Variants in DSCAM observed in about 807,000 individuals in gnomAD.
The protein encoded by DSCAM is cell adhesion molecule DSCAM.
Under a neutral mutation model 217.7 loss-of-function variants are expected in DSCAM, and 47 were observed. The observed-to-expected ratio is 0.22, with a 90% CI of 0.17 to 0.28. The LOEUF (loss-of-function observed/expected upper bound fraction) is 0.28, where lower values mean the gene tolerates loss of function less well. Ranked by LOEUF, DSCAM falls within the 10% of genes least tolerant of loss-of-function variation. The pLI is 1.00. For synonymous variants in DSCAM, 1,056 were observed against 1,015.3 expected (o/e 1.04, Z -0.76); for missense variants, 2,080 against 2,618.3 (o/e 0.79, Z 4.49).
At chr21:40,254,190 G>A (rs2073341325) in intron 11 of DSCAM, among the ~76,000 whole-genome samples, 1 of 152,172 alleles carries the variant, frequency 6.6e-6, no homozygotes, top group South Asian at 2.1e-4. Flanking sequence ...AATAGTCACA[G>A]CTAAGATAAA....
At chr21:40,389,305 A>G (rs1054830227) in intron 3 of DSCAM, among the ~76,000 whole-genome samples, 5 of 152,230 alleles carry the variant, frequency 3.3e-5, no homozygotes, top group African/African-American at 1.2e-4. Flanking sequence ...ATTAGAGAAT[A>G]TTCTTTTAAA....
chr21:40,705,246 T>C (rs1341026770), intron 2 of DSCAM, among the ~76,000 whole-genome samples: 1 of 152,218 alleles, frequency 6.6e-6, no homozygotes, highest in African/African-American at 2.4e-5. Flanking sequence ...AGGAATAAAG[T>C]TGCTATACAA....
At chr21:40,267,056 G>T (rs2073547949) in intron 11 of DSCAM, among the ~76,000 whole-genome samples, 1 of 151,676 alleles carries the variant, frequency 6.6e-6, no homozygotes, top group African/African-American at 2.4e-5. Flanking sequence ...GTGAGGGATA[G>T]AAAACTATAT....
At chr21:40,780,911 A>G (rs1013804668) in intron 1 of DSCAM, among the ~76,000 whole-genome samples, 11 of 152,230 alleles carry the variant, frequency 7.2e-5, no homozygotes, top group Non-Finnish European at 1.0e-4. Flanking sequence ...GTATAATACT[A>G]GAATATTTCT....
At chr21:40,446,078 A>G (rs2075672619) in intron 3 of DSCAM, among the ~76,000 whole-genome samples, 1 of 152,216 alleles carries the variant, frequency 6.6e-6, no homozygotes, top group South Asian at 2.1e-4. Flanking sequence ...CGTTAGCTTT[A>G]TATTCTTACG....
chr21:40,801,890 G>C (rs889362507), intron 1 of DSCAM, among the ~76,000 whole-genome samples: 1 of 152,168 alleles, frequency 6.6e-6, no homozygotes, highest in African/African-American at 2.4e-5. Context: ...TGTCACAGGG[G>C]GGGTTGCCAC....
At chr21:40,835,669 T>G (rs2092050111) in intron 1 of DSCAM, among the ~76,000 whole-genome samples, 2 of 152,194 alleles carry the variant, frequency 1.3e-5, no homozygotes, top group South Asian at 4.1e-4. Context: ...GGAAAGTTAT[T>G]TTTAATATTA....
intron 3 of DSCAM, among the ~76,000 whole-genome samples, chr21:40,481,813 C>T (rs1412772649): frequency 7.2e-5 from 11 of 152,142 alleles, no homozygotes; most frequent in Non-Finnish European, 1.6e-4. Flanking sequence ...TTTTGGCTCT[C>T]CATCCATAAC....
At chr21:40,613,176 G>T (rs1271752799) in intron 3 of DSCAM, among the ~76,000 whole-genome samples, 4 of 152,128 alleles carry the variant, frequency 2.6e-5, no homozygotes, top group Non-Finnish European at 5.9e-5. Flanking sequence ...GTTAGATAAA[G>T]ATTAAAACAT....
intron 3 of DSCAM, among the ~76,000 whole-genome samples, chr21:40,517,404 A>AC (rs2076310968): frequency 1.9e-4 from 28 of 144,776 alleles, no homozygotes; most frequent in African/African-American, 7.0e-4. Flanking sequence ...ACACACAAGC[A>AC]ACACACACAC....
chr21:40,718,921 T>C (rs945640116), intron 1 of DSCAM, among the ~76,000 whole-genome samples: 1 of 151,854 alleles, frequency 6.6e-6, no homozygotes, highest in Admixed American at 6.6e-5. Flanking sequence ...AGCCCAGGAA[T>C]TCAAGATCAG....
At chr21:40,329,804 C>T (rs1313023997) in intron 8 of DSCAM, among the ~76,000 whole-genome samples, 1 of 152,002 alleles carries the variant, frequency 6.6e-6, no homozygotes, top group Admixed American at 6.6e-5. Flanking sequence ...AAGGCAAATA[C>T]CACATCATCT....
chr21:40,026,189 A>G (rs1305320499), intron 32 of DSCAM, among the ~76,000 whole-genome samples: 1 of 141,574 alleles, frequency 7.1e-6, no homozygotes, highest in East Asian at 2.0e-4. Flanking sequence ...ATTTTGAGTG[A>G]GATTCTTAAT....
intron 8 of DSCAM, among the ~76,000 whole-genome samples, chr21:40,313,551 C>CT (rs5844011): frequency 0.053 from 8,089 of 152,024 alleles, 442 homozygotes; most frequent in East Asian, 0.23. Context: ...CATTTGAACT[C>CT]TAACTGTTAC....
chr21:40,188,332 A>T (rs909523911), intron 12 of DSCAM, among the ~76,000 whole-genome samples: 1 of 150,440 alleles, frequency 6.6e-6, no homozygotes, highest in Non-Finnish European at 1.5e-5. Context: ...CCACATATAC[A>T]TTTTTTTTTT....
chr21:40,718,884 T>C (rs2090871707), intron 1 of DSCAM, among the ~76,000 whole-genome samples: 1 of 152,166 alleles, frequency 6.6e-6, no homozygotes, highest in South Asian at 2.1e-4. Flanking sequence ...CCAGCACTTT[T>C]GGAGGCCGAG....
chr21:40,740,765 A>G (rs2091116038), intron 1 of DSCAM, among the ~76,000 whole-genome samples: 1 of 152,166 alleles, frequency 6.6e-6, no homozygotes, highest in African/African-American at 2.4e-5. Flanking sequence ...GGCAAGTGTG[A>G]AGTGACTACT....
At chr21:40,595,063 A>G (rs551478230) in intron 3 of DSCAM, among the ~76,000 whole-genome samples, 77 of 152,116 alleles carry the variant, frequency 5.1e-4, no homozygotes, top group Non-Finnish European at 9.3e-4. Flanking sequence ...ACCAAGTGCA[A>G]TTGTGTTTCC....
chr21:40,610,776 C>T (rs1458889203), intron 3 of DSCAM, among the ~76,000 whole-genome samples: 1 of 152,154 alleles, frequency 6.6e-6, no homozygotes, highest in Non-Finnish European at 1.5e-5. Context: ...AAGATGAGAC[C>T]TATGCAAGGT....
Sources: gnomAD v4.1 joint callset for allele counts (sites outside exome capture counted in the v4.1 genomes callset) on GRCh38, gnomAD v4.1.1 for gene constraint, MANE v1.5 for transcripts, NCBI Gene and HGNC (gene_info 2026-07-23, HGNC 2026-07-21) for gene names.